Variants in IPPK observed in about 807,000 individuals in gnomAD.
IPPK encodes the protein inositol-pentakisphosphate 2-kinase.
IPPK carries 22 observed loss-of-function variants against 64.6 expected under a neutral mutation model. That is an observed-to-expected ratio of 0.34 (90% CI 0.24 to 0.49). IPPK has a LOEUF of 0.49. Ranked by LOEUF, IPPK falls within the 20% of genes least tolerant of loss-of-function variation. The pLI, the probability that IPPK is intolerant of heterozygous loss-of-function variation, is 0.99. For synonymous variants in IPPK, 262 were observed against 247.2 expected (o/e 1.06, Z -0.56); for missense variants, 532 against 630.7 (o/e 0.84, Z 1.68).
At position 92,663,561 on chromosome 9, in the gene IPPK, T is replaced by C. The variant is rs377481169; in HGVS notation, c.82-4880A>G. Among the ~76,000 whole-genome samples, 192 of 152,346 alleles carry C rather than the reference T, an allele frequency of 1.3e-3. 5 individuals carry two copies. In the South Asian group the frequency reaches 0.038, roughly 30 times the overall value. On this transcript the variant is annotated intron_variant, in intron 1 of 12. Coordinates refer to ENST00000287996, the MANE Select transcript of IPPK (RefSeq NM_022755.6). ...GTTTTTCACTTCCTTCCTTCTGATA[T>C]TCTATATTTTCAGAGAGAAGAAGCA...
At chr9:92,659,465 A>G (rs1261249353) in intron 1 of IPPK, among the ~76,000 whole-genome samples, 1 of 152,254 alleles carries the variant, frequency 6.6e-6, no homozygotes, top group Non-Finnish European at 1.5e-5. Flanking sequence ...AGTAGCAATG[A>G]TTACAATAAC....
rs16908476 is a variant in IPPK at position 92,618,027 on chromosome 9, C to T, written c.1250+1459G>A. 2,738 of 349,552 alleles carry T rather than the reference C, an allele frequency of 7.8e-3. 62 individuals carry two copies. The highest frequency in any genetic ancestry group is 0.054 in the African/African-American group (2,519 of 46,690). 21.7% of individuals were successfully genotyped at this position (349,552 alleles called of 1,614,324 possible). On this transcript the variant is annotated intron_variant, in intron 12 of 12. Transcript: ENST00000287996. The stretch of plus-strand genomic sequence containing the variant: ...CTCAGGTCTACCAGGTATCTCAAGA[C>T]GCCAAGATGACTCATGATAAATCCC...
chr9:92,651,811 G>A (rs910869893), intron 4 of IPPK, among the ~76,000 whole-genome samples: 2 of 152,138 alleles, frequency 1.3e-5, no homozygotes, highest in Non-Finnish European at 2.9e-5. Flanking sequence ...TGCCTCCCGG[G>A]TTCCAGCGAT....
At chr9:92,654,292 T>C (rs1247666177) in intron 3 of IPPK, among the ~76,000 whole-genome samples, 1 of 152,196 alleles carries the variant, frequency 6.6e-6, no homozygotes, top group Non-Finnish European at 1.5e-5. Context: ...CAAGGCGGGC[T>C]GATCACTTGA....
At chr9:92,650,045 C>T (rs922557603) in intron 4 of IPPK, among the ~76,000 whole-genome samples, 25 of 144,586 alleles carry the variant, frequency 1.7e-4, no homozygotes, top group Non-Finnish European at 3.0e-4. Flanking sequence ...AAAAAAAAGG[C>T]GGGCACGGTG....
At chr9:92,618,249 A>G in intron 12 of IPPK, 1 of 456,642 alleles carries the variant, frequency 2.2e-6, no homozygotes, top group Non-Finnish European at 4.4e-6. Flanking sequence ...TCCAGTGCCT[A>G]CACCCTAGGT....
intron 1 of IPPK, among the ~76,000 whole-genome samples, chr9:92,664,633 C>T (rs1852556490): frequency 1.3e-5 from 2 of 152,186 alleles, no homozygotes; most frequent in Admixed American, 1.3e-4. Context: ...TGGAAAGCCT[C>T]ACTGCCTGTA....
chr9:92,649,650 C>T (rs546557879), intron 4 of IPPK, 76 bp from the exon 5 acceptor site: 17 of 1,557,360 alleles, frequency 1.1e-5, no homozygotes, highest in African/African-American at 2.7e-5. Context: ...AAACAGGCCC[C>T]GCCTTGTCCC....
At chr9:92,657,241 C>A (rs573262722) in intron 2 of IPPK, among the ~76,000 whole-genome samples, 2 of 152,076 alleles carry the variant, frequency 1.3e-5, no homozygotes, top group Admixed American at 1.3e-4. Context: ...CCCAGCTACT[C>A]AGGAGACTGA....
At chr9:92,626,172 C>T (rs941840380) in intron 11 of IPPK, among the ~76,000 whole-genome samples, 10 of 151,928 alleles carry the variant, frequency 6.6e-5, no homozygotes, top group Admixed American at 5.3e-4. Flanking sequence ...CTGAGGTGGG[C>T]GGATCACAAG....
rs1851336528 is a variant in IPPK, at chr9:92,613,529, C to G, written c.*2303G>C. The G allele has an allele frequency of 4.4e-6, 1 of 226,858 alleles. No homozygotes were observed. Among genetic ancestry groups the G allele is most frequent in the Non-Finnish European group, 8.9e-6 (1 of 112,410 alleles). The allele number at this position is 226,858 out of a possible 1,614,324, so 14.1% of individuals were successfully genotyped here. On this transcript the variant is annotated 3_prime_UTR_variant, in exon 13 of 13. Coordinates refer to ENST00000287996, the MANE Select transcript of IPPK (RefSeq NM_022755.6). ...GGGAGAAGCCACCCTTATCCTGGTT[C>G]CTGCCTCCTGGGGGCTCTGGAGACG...
intron 1 of IPPK, among the ~76,000 whole-genome samples, chr9:92,668,655 C>T (rs1370622431): frequency 1.3e-5 from 2 of 152,326 alleles, no homozygotes; most frequent in East Asian, 1.9e-4. Context: ...AAAGGACTCA[C>T]GCAGAAACAT....
Sources: allele counts gnomAD v4.1 joint callset (sites outside exome capture counted in the v4.1 genomes callset), GRCh38; gene constraint gnomAD v4.1.1; transcripts MANE v1.5; gene names NCBI Gene and HGNC (gene_info 2026-07-23, HGNC 2026-07-21).